ZNF367: variants seen among roughly 807,000 people sequenced by gnomAD.
ZNF367 encodes C2H2 zinc finger protein ZFF29.
ZNF367 carries 11 observed loss-of-function variants against 31.8 expected under a neutral mutation model. The observed-to-expected ratio is 0.35, with a 90% CI of 0.22 to 0.57. The LOEUF (loss-of-function observed/expected upper bound fraction) is 0.57. Among genes scored for constraint, ZNF367 ranks in the 20% least tolerant of loss-of-function variants. The pLI, the probability that ZNF367 is intolerant of heterozygous loss-of-function variation, is 0.85. For missense variants in ZNF367, 353 were observed against 484.1 expected (o/e 0.73, Z 2.54); for synonymous variants, 199 against 202.4 (o/e 0.98, Z 0.14).
rs73536970 is a variant in ZNF367, at chr9:96,409,511, T to C, written c.420+8102A>G. ...TGCTTTTTAGCCTGAGCTAACTGACTCAGTGGGTTAGTAACGAATATCTGT... is the reference window on the plus strand; with the variant it reads ...TGCTTTTTAGCCTGAGCTAACTGACCCAGTGGGTTAGTAACGAATATCTGT... On this transcript the variant is annotated intron_variant, in intron 1 of 4. Coordinates refer to ENST00000375256, the MANE Select transcript of ZNF367 (RefSeq NM_153695.4). Among the ~76,000 whole-genome samples, 368 of 152,304 alleles carry C rather than the reference T, an allele frequency of 2.4e-3. 1 individual carries two copies. The highest frequency in any genetic ancestry group is 8.4e-3 in the African/African-American group (348 of 41,568).
intron 1 of ZNF367, among the ~76,000 whole-genome samples, chr9:96,402,506 G>A (rs1190308597): frequency 7.6e-6 from 1 of 132,368 alleles, no homozygotes; most frequent in Non-Finnish European, 1.5e-5. Flanking sequence ...AGGCTGGAGT[G>A]CAGTGATGCA....
rs1459508588 is a variant in ZNF367, at chr9:96,417,563, G to A, written c.420+50C>T. On this transcript the variant is annotated intron_variant, in intron 1 of 4. Coordinates refer to ENST00000375256, the MANE Select transcript of ZNF367 (RefSeq NM_153695.4). The surrounding 1 kb of genome is among the most constrained non-coding windows in gnomAD (Gnocchi z 5.0). ...CCGCCCCGCCCGCCGCACCGTTAAC[G>A]GGCCCCGGCTGCCCCACGTCCCGCC... 9 of 347,714 alleles carry A rather than the reference G, an allele frequency of 2.6e-5. No individual in the cohort carries two copies. The highest frequency in any genetic ancestry group is 2.3e-4 in the East Asian group (5 of 21,734). 21.5% of individuals were successfully genotyped at this position (347,714 alleles called of 1,614,324 possible).
intron 1 of ZNF367, chr9:96,407,286 G>A (rs1346907622): frequency 1.4e-5 from 21 of 1,521,110 alleles, no homozygotes; most frequent in Middle Eastern, 2.3e-4. Flanking sequence ...CCGTCACCAT[G>A]CCACAGAACG....
chr9:96,393,113 C>T (rs996176203), intron 3 of ZNF367, among the ~76,000 whole-genome samples: 1 of 152,092 alleles, frequency 6.6e-6, no homozygotes, highest in Non-Finnish European at 1.5e-5. Flanking sequence ...AAACCTCAGA[C>T]CCGAGAATTC....
At chr9:96,406,576 C>T (rs1263315006) in intron 1 of ZNF367, among the ~76,000 whole-genome samples, 1 of 152,150 alleles carries the variant, frequency 6.6e-6, no homozygotes, top group Non-Finnish European at 1.5e-5. Flanking sequence ...AAGTCTTTAC[C>T]TATTTTTCCT....
chr9:96,397,501 T>C lies in ZNF367; in HGVS notation c.571+663A>G, dbSNP rs187126584. Among the ~76,000 whole-genome samples the C allele has an allele frequency of 2.6e-5, 4 of 152,262 alleles. No individual in the cohort carries two copies. In the East Asian group the frequency reaches 7.7e-4, roughly 29 times the overall value. ...TCTATTAAAAACTTGACAATTAATG[T>C]TTTTGGCCTACAGATGAATTTTAAC... On this transcript the variant is annotated intron_variant, in intron 2 of 4. Coordinates refer to ENST00000375256, the MANE Select transcript of ZNF367 (RefSeq NM_153695.4).
chr9:96,390,378 C>T (rs13300924), intron 4 of ZNF367, among the ~76,000 whole-genome samples: 4,167 of 152,132 alleles, frequency 0.027, 72 homozygotes, highest in Middle Eastern at 0.054. Context: ...AGGAGAATGG[C>T]AAAAGATAAG....
At chr9:96,389,955 G>C (rs1184624496) in intron 4 of ZNF367, among the ~76,000 whole-genome samples, 3 of 140,610 alleles carry the variant, frequency 2.1e-5, no homozygotes, top group African/African-American at 8.1e-5. Context: ...GCCCAGGCTA[G>C]AGTGTAATGA....
intron 1 of ZNF367, among the ~76,000 whole-genome samples, chr9:96,401,326 G>A (rs1013249731): frequency 6.6e-6 from 1 of 152,088 alleles, no homozygotes; most frequent in East Asian, 1.9e-4. Flanking sequence ...AGGAGCTCGA[G>A]ACCGGCCTGA....
chr9:96,407,980 AAAATAAATAAATAAATAAATAAAT>A (rs3045262), intron 1 of ZNF367, among the ~76,000 whole-genome samples: 1 of 148,448 alleles, frequency 6.7e-6, no homozygotes, highest in African/African-American at 2.5e-5. Flanking sequence ...AATGGAACAC[AAAATAAATAAATAAATAAATAAAT>A]AAATAAATAA....
At chr9:96,415,597 T>C (rs1255814291) in intron 1 of ZNF367, among the ~76,000 whole-genome samples, 1 of 134,418 alleles carries the variant, frequency 7.4e-6, no homozygotes, top group Non-Finnish European at 1.5e-5. Context: ...TCCCGAGTTC[T>C]ACCAATTCTC....
rs757468564 is a variant in ZNF367, at chr9:96,417,905, G to T, written c.128C>A (p.Thr43Lys). Residue 43 changes from threonine (T) to lysine (K), a missense_variant, in exon 1 of 5, where the codon ACG (threonine) becomes AAG (lysine). Physicochemically the swap from Thr to Lys is moderately conservative, Grantham distance 78 (BLOSUM62 -1). Around this residue, in one of 5 missense-constraint regions of ZNF367, gnomAD observed 94 missense variants for 86.7 expected, o/e 1.08. Coordinates refer to ENST00000375256, the MANE Select transcript of ZNF367 (RefSeq NM_153695.4). The surrounding 1 kb of genome is among the most constrained non-coding windows in gnomAD (Gnocchi z 5.0). Reference protein sequence around the residue: ...SVIRTTPIKPTCGGGGEPEPP... With the variant: ...SVIRTTPIKPKCGGGGEPEPP... ...CTCCGGCTCCCCTCCACCGCCGCAC[G>T]TTGGCTTGATCGGGGTCGTCCTGAT... 3.2e-5 allele frequency: 48 copies of T among 1,505,878 alleles called. No individual in the cohort carries two copies. Among genetic ancestry groups the T allele is most frequent in the Non-Finnish European group, 3.4e-5 (38 of 1,133,562 alleles). 93.3% of individuals were successfully genotyped at this position (1,505,878 alleles called of 1,614,324 possible). A position where few individuals can be genotyped will look rare whatever the true frequency, so the allele number is the denominator to read the frequency against.
chr9:96,391,362 G>C (rs1209484289), intron 4 of ZNF367, among the ~76,000 whole-genome samples: 1 of 152,232 alleles, frequency 6.6e-6, no homozygotes, highest in African/African-American at 2.4e-5. Context: ...GAGCAGGTCA[G>C]GGAGGCCTTC....
In ZNF367 at chr9:96,417,682, C is replaced by T; in HGVS notation, c.351G>A (p.Ser117=). Residue 117 remains serine (S), a synonymous_variant, in exon 1 of 5, where the codon TCG becomes TCA. Coordinates refer to ENST00000375256, the MANE Select transcript of ZNF367 (RefSeq NM_153695.4). This position sits in a 1 kb window ranked among gnomAD's most constrained non-coding sequence, Gnocchi z 5.0. ...RGRGAPPPAA[S]ASAAASGGED... Reference sequence around the variant, plus strand: ...CACCTCCCGAGGCGGCGGCGGAGGCCGAGGCGGCGGGCGGGGGCGCGCCCC... The same window carrying T: ...CACCTCCCGAGGCGGCGGCGGAGGCTGAGGCGGCGGGCGGGGGCGCGCCCC... 9.0e-7 allele frequency: 1 copy of T among 1,105,232 alleles called. No individual in the cohort carries two copies. Among genetic ancestry groups the T allele is most frequent in the Non-Finnish European group, 1.1e-6 (1 of 881,342 alleles). The allele number at this position is 1,105,232 out of a possible 1,614,324, so 68.5% of individuals were successfully genotyped here. A position where few individuals can be genotyped will look rare whatever the true frequency, so the allele number is the denominator to read the frequency against.
chr9:96,408,016 T>TAAAC (rs1554721356), intron 1 of ZNF367, among the ~76,000 whole-genome samples: 7 of 144,978 alleles, frequency 4.8e-5, no homozygotes, highest in East Asian at 1.9e-4. Context: ...AATAAATAAA[T>TAAAC]AAACGTTGGA....
At chr9:96,407,657 T>C in intron 1 of ZNF367, 1 of 1,428,906 alleles carries the variant, frequency 7.0e-7, no homozygotes, top group Non-Finnish European at 9.8e-7. Context: ...CTGCCTAAAG[T>C]ACGTGCCCAG....
At chr9:96,389,726 A>G (rs913476685) in intron 4 of ZNF367, among the ~76,000 whole-genome samples, 4 of 151,788 alleles carry the variant, frequency 2.6e-5, no homozygotes, top group African/African-American at 4.8e-5. Context: ...AGCTGTTTTT[A>G]TTTATTTTTA....
intron 1 of ZNF367, among the ~76,000 whole-genome samples, chr9:96,400,544 AAAAC>A (rs902123648): frequency 5.7e-4 from 86 of 152,120 alleles, no homozygotes; most frequent in Admixed American, 9.2e-4. Context: ...TACAATAACT[AAAAC>A]AAACAAAAAA....
chr9:96,393,278 CT>C (rs1334586769), intron 3 of ZNF367, among the ~76,000 whole-genome samples: 1 of 152,152 alleles, frequency 6.6e-6, no homozygotes, highest in Non-Finnish European at 1.5e-5. Context: ...AATCCCAACA[CT>C]TTGGGAGGCC....
Sources: allele counts gnomAD v4.1 joint callset (sites outside exome capture counted in the v4.1 genomes callset), GRCh38; gene constraint gnomAD v4.1.1; regional missense constraint gnomAD v4.1.1; non-coding constraint Gnocchi (gnomAD v3.1); transcripts MANE v1.5; gene names NCBI Gene and HGNC (gene_info 2026-07-23, HGNC 2026-07-21).